XRCC5: variants seen among roughly 807,000 people sequenced by gnomAD.
XRCC5 encodes the protein DNA repair protein Ku80.
A neutral mutation model predicts 95.7 loss-of-function variants in XRCC5; 12 were observed. That is an observed-to-expected ratio of 0.13 (90% CI 0.08 to 0.20). The LOEUF is 0.20. Ranked by LOEUF, XRCC5 falls within the 10% of genes least tolerant of loss-of-function variation. XRCC5 has a pLI of 1.00. For missense variants in XRCC5, 595 were observed against 873.9 expected (o/e 0.68, Z 4.02); for synonymous variants, 281 against 290.3 (o/e 0.97, Z 0.33).
chr2:216,151,479 A>G (rs1182362845), intron 14 of XRCC5, among the ~76,000 whole-genome samples: 1 of 152,118 alleles, frequency 6.6e-6, no homozygotes, highest in Non-Finnish European at 1.5e-5. Context: ...AGACATCCTC[A>G]CTTGGTTAAT....
chr2:216,158,364 G>A (rs1368624326), intron 14 of XRCC5, among the ~76,000 whole-genome samples: 2 of 152,168 alleles, frequency 1.3e-5, no homozygotes, highest in African/African-American at 4.8e-5. Context: ...CATCAAGAAG[G>A]TGTAAGATTT....
intron 8 of XRCC5, among the ~76,000 whole-genome samples, chr2:216,130,206 A>G (rs1696972743): frequency 6.7e-6 from 1 of 150,274 alleles, no homozygotes; most frequent in African/African-American, 2.4e-5. Context: ...GTGATTTTTC[A>G]TAGAATATAG....
chr2:216,141,234 C>T lies in XRCC5; in HGVS notation c.1391C>T (p.Ala464Val), dbSNP rs747291761. ...GCTTTGATTGACTCCATGAGCTTGG[C>T]AAAGAAAGATGAGAAGACAGACACC... The part of the protein sequence containing the change: ...VDALIDSMSL[A>V]KKDEKTDTLE... Residue 464 changes from alanine (A) to valine (V), a missense_variant, in exon 13 of 21, where the codon GCA (alanine) becomes GTA (valine). By Grantham distance (64) the Ala-to-Val change is moderately conservative. Transcript: ENST00000392132. 6.2e-7 allele frequency: 1 copy of T among 1,614,050 alleles called. No homozygotes were observed. Among genetic ancestry groups the T allele is most frequent in the Non-Finnish European group, 8.5e-7 (1 of 1,179,968 alleles).
At chr2:216,148,723 T>A (rs1024942345) in intron 14 of XRCC5, among the ~76,000 whole-genome samples, 1 of 152,196 alleles carries the variant, frequency 6.6e-6, no homozygotes, top group Non-Finnish European at 1.5e-5. Flanking sequence ...TGAAAAACTA[T>A]CAATTCTTCA....
At chr2:216,179,919 C>G (rs1689350897) in intron 16 of XRCC5, among the ~76,000 whole-genome samples, 1 of 152,130 alleles carries the variant, frequency 6.6e-6, no homozygotes, top group Admixed American at 6.5e-5. Flanking sequence ...ATCCACGTGA[C>G]CGGAGGTAGT....
chr2:216,160,238 T>G, intron 15 of XRCC5, 77 bp downstream of exon 15: 1 of 968,974 alleles, frequency 1.0e-6, no homozygotes, highest in South Asian at 1.6e-5. Context: ...CAATTTTTGT[T>G]AGTCCGTTCT....
intron 16 of XRCC5, among the ~76,000 whole-genome samples, chr2:216,164,722 A>G (rs984865341): frequency 6.6e-6 from 1 of 152,222 alleles, no homozygotes; most frequent in Admixed American, 6.5e-5. Context: ...ACGCACAGTC[A>G]CGGCCTTCTA....
intron 19 of XRCC5, among the ~76,000 whole-genome samples, chr2:216,200,261 CTG>C (rs1293656855): frequency 6.6e-6 from 1 of 152,130 alleles, no homozygotes; most frequent in East Asian, 1.9e-4. Context: ...ACATCTGGTT[CTG>C]TGTGTGAGAG....
At chr2:216,193,999 T>C (rs1559263420) in intron 18 of XRCC5, among the ~76,000 whole-genome samples, 1 of 152,202 alleles carries the variant, frequency 6.6e-6, no homozygotes, top group African/African-American at 2.4e-5. Flanking sequence ...GTTTTCTTCC[T>C]CCCTAGTCCT....
In XRCC5 at chr2:216,114,866, A is replaced by C. The variant is rs920517540; in HGVS notation, c.135+1737A>C. 1.3e-5 allele frequency among the ~76,000 whole-genome samples: 2 copies of C among 152,344 alleles called. 1 individual carries two copies. The highest frequency in any genetic ancestry group is 4.1e-4 in the South Asian group (2 of 4,828). On this transcript the variant is annotated intron_variant, in intron 2 of 20. Transcript: ENST00000392132. ...CGAGTTGCCGCTACTGAGCATGCGC[A>C]TGACTAGTAACCACACTACGCATGC...
intron 14 of XRCC5, among the ~76,000 whole-genome samples, chr2:216,148,551 T>A (rs1297643491): frequency 1.3e-5 from 2 of 152,246 alleles, no homozygotes; most frequent in Non-Finnish European, 2.9e-5. Context: ...ATATATAATG[T>A]ATAATTCAGA....
chr2:216,125,784 C>T (rs912434604), intron 6 of XRCC5, 133 bp from the exon 7 acceptor site: 70 of 670,892 alleles, frequency 1.0e-4, no homozygotes, highest in Non-Finnish European at 1.5e-4. Context: ...TGTTGTTTTC[C>T]GGCCATCTCC....
chr2:216,198,743 G>A (rs972228811), intron 19 of XRCC5, among the ~76,000 whole-genome samples: 1 of 151,990 alleles, frequency 6.6e-6, no homozygotes, highest in Non-Finnish European at 1.5e-5. Context: ...AGTAGAGATG[G>A]GGTTTTACCA....
In XRCC5 at chr2:216,132,321, G is replaced by A. The variant is rs778715321; in HGVS notation, c.1051-4G>A. The A allele has an allele frequency of 1.2e-6, 2 of 1,613,496 alleles. No homozygotes were observed. The highest frequency in any genetic ancestry group is 2.7e-5 in the African/African-American group (2 of 74,894). On this transcript the variant is annotated splice_region_variant and splice_polypyrimidine_tract_variant and intron_variant, in intron 9 of 20. Coordinates refer to ENST00000392132, the MANE Select transcript of XRCC5 (RefSeq NM_021141.4). Reference sequence around the variant, plus strand: ...TCAAAAGCAATTCTTTTCCTCTCTTGTAGGTTCAGAGAAGATTCTTCATGG... The same window carrying A: ...TCAAAAGCAATTCTTTTCCTCTCTTATAGGTTCAGAGAAGATTCTTCATGG...
intron 16 of XRCC5, among the ~76,000 whole-genome samples, chr2:216,183,035 T>C (rs1203023886): frequency 6.6e-6 from 1 of 152,222 alleles, no homozygotes; most frequent in Non-Finnish European, 1.5e-5. Flanking sequence ...AAAAATGTTA[T>C]ATCATAATGC....
In XRCC5 at chr2:216,204,381, T is replaced by G. The variant is rs142711606; in HGVS notation, c.2169T>G (p.Gly723=). 1 of 1,613,920 alleles carries G rather than the reference T, an allele frequency of 6.2e-7. No individual in the cohort carries two copies. Among genetic ancestry groups the G allele is most frequent in the African/African-American group, 1.3e-5 (1 of 75,034 alleles). Residue 723 remains glycine, a synonymous_variant, in exon 20 of 21, where the codon GGT becomes GGG. Coordinates refer to ENST00000392132, the MANE Select transcript of XRCC5 (RefSeq NM_021141.4). ...CAGCAGCTGTATTTGAAGAAGGTGG[T>G]GATGTGGACGATTTAGTAAGTACTT... ...GDTAAVFEEG[G]DVDDLLDMI is the part of the protein sequence containing the mutation.
chr2:216,126,399 G>A (rs1037202790), intron 7 of XRCC5, among the ~76,000 whole-genome samples: 6 of 152,158 alleles, frequency 3.9e-5, no homozygotes, highest in African/African-American at 1.4e-4. Flanking sequence ...GTTAAGTTCA[G>A]TTTTGGAGCT....
At chr2:216,122,280 T>G in intron 6 of XRCC5, 27 bp downstream of exon 6, 1 of 1,573,770 alleles carries the variant, frequency 6.4e-7, no homozygotes, top group Non-Finnish European at 8.6e-7. Flanking sequence ...TTGATGGGAA[T>G]TTTTAATTGT....
chr2:216,156,322 C>CA (rs1466786000), intron 14 of XRCC5: 25 of 645,122 alleles, frequency 3.9e-5, no homozygotes, highest in African/African-American at 3.6e-4. Flanking sequence ...CAATATGATG[C>CA]TGTGGAGGTA....
Sources: allele counts gnomAD v4.1 joint callset (sites outside exome capture counted in the v4.1 genomes callset), GRCh38; gene constraint gnomAD v4.1.1; transcripts MANE v1.5; gene names NCBI Gene and HGNC (gene_info 2026-07-23, HGNC 2026-07-21).